CACNA2D1: variants seen among roughly 807,000 people sequenced by gnomAD.
The protein encoded by CACNA2D1 is calcium voltage-gated channel auxiliary subunit alpha2delta 1, also known as voltage-dependent calcium channel subunit alpha-2/delta-1.
Under a neutral mutation model 171.5 loss-of-function variants are expected in CACNA2D1, and 53 were observed. That is an observed-to-expected ratio of 0.31 (90% confidence interval 0.25 to 0.39). The LOEUF (loss-of-function observed/expected upper bound fraction) is 0.39, where lower values mean the gene tolerates loss of function less well. CACNA2D1 is among the 10% of genes least tolerant of loss of function. The pLI, the probability that CACNA2D1 is intolerant of heterozygous loss-of-function variation, is 1.00. For synonymous variants in CACNA2D1, 442 were observed against 443.1 expected (o/e 1.00, Z 0.03); for missense variants, 903 against 1,299.8 (o/e 0.69, Z 4.69).
At chr7:81,972,270 T>C (rs1014667596) in intron 25 of CACNA2D1, among the ~76,000 whole-genome samples, 2 of 151,292 alleles carry the variant, frequency 1.3e-5, no homozygotes, top group African/African-American at 2.4e-5. Flanking sequence ...AAAATTTATA[T>C]ATATAGAAAC....
intron 3 of CACNA2D1, among the ~76,000 whole-genome samples, chr7:82,295,850 G>A (rs1251393788): frequency 1.3e-5 from 2 of 151,860 alleles, no homozygotes; most frequent in African/African-American, 4.8e-5. Flanking sequence ...CAAAGACTTG[G>A]AACCAACCCA....
At chr7:82,114,776 A>AG (rs1788849380) in intron 6 of CACNA2D1, among the ~76,000 whole-genome samples, 1 of 151,676 alleles carries the variant, frequency 6.6e-6, no homozygotes, top group South Asian at 2.1e-4. Context: ...AAAAAAAAAA[A>AG]AAAGAAACAG....
chr7:82,264,033 C>A (rs891768395), intron 3 of CACNA2D1, among the ~76,000 whole-genome samples: 1 of 152,188 alleles, frequency 6.6e-6, no homozygotes, highest in East Asian at 1.9e-4. Flanking sequence ...CCCATAAACT[C>A]ATTCTAAATT....
chr7:82,213,924 A>T (rs991774201), intron 3 of CACNA2D1, among the ~76,000 whole-genome samples: 1 of 152,136 alleles, frequency 6.6e-6, no homozygotes, highest in African/African-American at 2.4e-5. Context: ...TGTATTTCTC[A>T]CAGTTCTGGA....
chr7:82,420,653 A>G (rs769692687), intron 1 of CACNA2D1, among the ~76,000 whole-genome samples: 8 of 152,214 alleles, frequency 5.3e-5, no homozygotes, highest in Non-Finnish European at 1.0e-4. Flanking sequence ...AATCTTCTCT[A>G]TGATACACTT....
intron 25 of CACNA2D1, among the ~76,000 whole-genome samples, chr7:81,973,536 T>C (rs571371312): frequency 1.8e-4 from 27 of 151,346 alleles, no homozygotes; most frequent in African/African-American, 4.6e-4. Context: ...AATAGAAAGA[T>C]AAATAATTGA....
At position 81,948,085 on chromosome 7, in the gene CACNA2D1, T is replaced by A. The variant is rs1056725230; in HGVS notation, c.*2307A>T. The A allele has an allele frequency of 1.3e-5, 2 of 151,842 alleles. No homozygotes were observed. Among genetic ancestry groups the A allele is most frequent in the Admixed American group, 1.3e-4 (2 of 15,224 alleles). 9.4% of individuals were successfully genotyped at this position (151,842 alleles called of 1,614,324 possible). On this transcript the variant is annotated 3_prime_UTR_variant, in exon 39 of 39. Transcript: ENST00000356860. ...TAGCCATGAAAATATATTTAATAGA[T>A]TTTGAACATAATTTTAAGGTAGTTT...
chr7:82,229,213 C>A (rs1802652851), intron 3 of CACNA2D1, among the ~76,000 whole-genome samples: 2 of 152,082 alleles, frequency 1.3e-5, no homozygotes, highest in Admixed American at 1.3e-4. Flanking sequence ...TTTTGGAGAA[C>A]TGACAAATCA....
chr7:82,267,584 G>C (rs1808023805), intron 3 of CACNA2D1, among the ~76,000 whole-genome samples: 1 of 152,042 alleles, frequency 6.6e-6, no homozygotes, highest in African/African-American at 2.4e-5. Flanking sequence ...AGTTCTAATA[G>C]GGTTCTAAAT....
At chr7:82,321,556 G>A (rs1008056553) in intron 3 of CACNA2D1, among the ~76,000 whole-genome samples, 13 of 152,118 alleles carry the variant, frequency 8.5e-5, no homozygotes, top group African/African-American at 3.1e-4. Flanking sequence ...AGGTTATTCT[G>A]AAGATGAAAT....
intron 5 of CACNA2D1, among the ~76,000 whole-genome samples, chr7:82,133,804 G>T (rs1465447866): frequency 2.0e-5 from 3 of 152,214 alleles, no homozygotes; most frequent in Admixed American, 1.3e-4. Context: ...CGGGCACGGT[G>T]GCTCACGCCT....
intron 4 of CACNA2D1, 43 bp from the exon 5 acceptor site, chr7:82,136,719 A>G (rs1318139212): frequency 7.6e-7 from 1 of 1,308,694 alleles, no homozygotes; most frequent in Non-Finnish European, 1.1e-6. Context: ...AATAAAAACA[A>G]TACTGTATCA....
chr7:82,280,288 A>G (rs1809912089), intron 3 of CACNA2D1, among the ~76,000 whole-genome samples: 1 of 152,216 alleles, frequency 6.6e-6, no homozygotes, highest in Non-Finnish European at 1.5e-5. Flanking sequence ...TATATTACAT[A>G]TGACAGAGAG....
chr7:82,177,732 C>T (rs1796699728), intron 3 of CACNA2D1, among the ~76,000 whole-genome samples: 1 of 152,094 alleles, frequency 6.6e-6, no homozygotes. Context: ...AATCTTTCTT[C>T]ACAGGCACTC....
intron 5 of CACNA2D1, among the ~76,000 whole-genome samples, chr7:82,135,197 C>A (rs75954511): frequency 0.024 from 3,657 of 152,024 alleles, 135 homozygotes; most frequent in African/African-American, 0.083. Context: ...CATCGCTTTA[C>A]AAATTAAATA....
At position 82,084,808 on chromosome 7, in the gene CACNA2D1, C is replaced by T; in HGVS notation, c.619G>A (p.Val207Ile). 6.2e-7 allele frequency: 1 copy of T among 1,614,034 alleles called. No individual in the cohort carries two copies. The highest frequency in any genetic ancestry group is 1.1e-5 in the South Asian group (1 of 91,086). Residue 207 changes from valine (V) to isoleucine (I), a missense_variant, in exon 7 of 39, where the codon GTT becomes ATT. This residue lies in a region of CACNA2D1 where 189 missense variants were observed against 266.8 expected (regional missense o/e 0.71). Coordinates refer to ENST00000356860, the MANE Select transcript of CACNA2D1 (RefSeq NM_000722.4). ...GCTAGGCCAGTGGCACTGCCAAAAA[C>T]CTGCCACAATAATGAAGGGTCTTCC... ...REEDPSLLWQVFGSATGLARY... is the reference protein window; with the variant it reads ...REEDPSLLWQIFGSATGLARY...
chr7:82,192,399 A>AATATATATAT (rs57832901), intron 3 of CACNA2D1, among the ~76,000 whole-genome samples: 87 of 146,710 alleles, frequency 5.9e-4, no homozygotes, highest in South Asian at 5.2e-3. Context: ...AAACAGGGGA[A>AATATATATAT]ATATATATAT....
chr7:82,296,971 A>G (rs1812360487), intron 3 of CACNA2D1, among the ~76,000 whole-genome samples: 1 of 149,624 alleles, frequency 6.7e-6, no homozygotes, highest in African/African-American at 2.5e-5. Context: ...GTGGTGGCTT[A>G]TGCCTGTAAT....
intron 1 of CACNA2D1, among the ~76,000 whole-genome samples, chr7:82,389,023 G>C (rs1336190096): frequency 6.6e-6 from 1 of 151,716 alleles, no homozygotes; most frequent in Non-Finnish European, 1.5e-5. Flanking sequence ...GACTGAGACA[G>C]GAGAATCACT....
Sources: allele counts gnomAD v4.1 joint callset (sites outside exome capture counted in the v4.1 genomes callset), GRCh38; gene constraint gnomAD v4.1.1; regional missense constraint gnomAD v4.1.1; transcripts MANE v1.5; gene names NCBI Gene and HGNC (gene_info 2026-07-23, HGNC 2026-07-21).